The following SULT2B1 variants were observed in gnomAD, a reference collection of about 807,000 sequenced individuals.
SULT2B1 encodes sulfotransferase family 2B member 1.
A neutral mutation model predicts 33.2 loss-of-function variants in SULT2B1; 16 were observed. The observed-to-expected ratio is 0.48, with a 90% CI of 0.33 to 0.73. SULT2B1 has a LOEUF of 0.73. Among genes scored for constraint, SULT2B1 ranks in the 30% least tolerant of loss-of-function variants. The probability of loss-of-function intolerance (pLI) is 0.02; values close to 1 mark genes in which losing one functional copy is unlikely to be tolerated. For synonymous variants in SULT2B1, 186 were observed against 200.5 expected (o/e 0.93, Z 0.61); for missense variants, 500 against 506.0 (o/e 0.99, Z 0.11).
At chr19:48,564,508 C>T in intron 1 of SULT2B1, among the ~76,000 whole-genome samples, 1 of 125,264 alleles carries the variant, frequency 8.0e-6, no homozygotes, top group East Asian at 2.7e-4. Context: ...GCCGAGATCA[C>T]ACCACTGCAC....
chr19:48,581,207 A>AT (rs35186872), intron 2 of SULT2B1, among the ~76,000 whole-genome samples: 32 of 136,258 alleles, frequency 2.3e-4, no homozygotes, highest in Admixed American at 4.5e-4. Flanking sequence ...TGGTTTTTGC[A>AT]TTTTTTTTTT....
chr19:48,555,590 T>TCTCTCTCTCTCTCTCTCTCTC (rs60898646), intron 1 of SULT2B1, among the ~76,000 whole-genome samples: 1 of 96,484 alleles, frequency 1.0e-5, no homozygotes, highest in African/African-American at 4.7e-5. Context: ...CTCTCTCTCT[T>TCTCTCTCTCTCTCTCTCTCTC]TTGAGACAGA....
At chr19:48,591,373 A>G (rs939941667) in intron 3 of SULT2B1, 5 of 363,568 alleles carry the variant, frequency 1.4e-5, no homozygotes, top group Non-Finnish European at 2.5e-5. Flanking sequence ...CAGGAGGCTG[A>G]CACAGGAGAA....
At chr19:48,571,878 G>A (rs1973334486) in intron 1 of SULT2B1, among the ~76,000 whole-genome samples, 1 of 152,072 alleles carries the variant, frequency 6.6e-6, no homozygotes, top group Non-Finnish European at 1.5e-5. Flanking sequence ...CTTGAAAAAG[G>A]TGAGGACAAG....
chr19:48,596,766 T>C lies in SULT2B1; in HGVS notation c.673T>C (p.Cys225Arg), dbSNP rs766419184. 2 of 1,607,494 alleles carry C rather than the reference T, an allele frequency of 1.2e-6. No individual in the cohort carries two copies. Among genetic ancestry groups the C allele is most frequent in the African/African-American group, 1.3e-5 (1 of 74,898 alleles). Residue 225 changes from cysteine to arginine, a missense_variant, in exon 6 of 7, where the codon TGT becomes CGT. Transcript: ENST00000201586. ...CTTACAGGGCTCCGTGGAGCGCATC[T>C]GTGGGTTCCTGGGCCGTCCGCTGGG... ...QDLQGSVERICGFLGRPLGKE... is the reference protein window; with the variant it reads ...QDLQGSVERIRGFLGRPLGKE...
intron 3 of SULT2B1, among the ~76,000 whole-genome samples, chr19:48,589,532 G>C (rs545432560): frequency 7.0e-4 from 107 of 152,306 alleles, no homozygotes; most frequent in African/African-American, 2.4e-3. Context: ...AGCGTGGACA[G>C]AGCAGAGAGG....
chr19:48,577,847 A>G (rs1352686397), intron 2 of SULT2B1, among the ~76,000 whole-genome samples: 1 of 152,194 alleles, frequency 6.6e-6, no homozygotes, highest in Non-Finnish European at 1.5e-5. Flanking sequence ...CTCACATTGT[A>G]CTGGGGCAAC....
At chr19:48,559,959 TAAAA>T (rs769845924) in intron 1 of SULT2B1, among the ~76,000 whole-genome samples, 1 of 133,468 alleles carries the variant, frequency 7.5e-6, no homozygotes, top group South Asian at 2.4e-4. Flanking sequence ...CATCTCTCTT[TAAAA>T]AAAAAAAAAA....
intron 1 of SULT2B1, among the ~76,000 whole-genome samples, chr19:48,559,165 CCTT>C (rs1422219747): frequency 6.6e-6 from 1 of 152,088 alleles, no homozygotes; most frequent in African/African-American, 2.4e-5. Flanking sequence ...ACGGTTCCCT[CCTT>C]CTCCACCCAG....
chr19:48,594,366 G>A (rs1011985566), intron 5 of SULT2B1, among the ~76,000 whole-genome samples: 3 of 152,204 alleles, frequency 2.0e-5, no homozygotes, highest in Non-Finnish European at 4.4e-5. Context: ...TAACTTAAGA[G>A]AGGGTTGATA....
chr19:48,592,712 C>T lies in SULT2B1; in HGVS notation c.551-10C>T, dbSNP rs1243842813. On this transcript the variant is annotated splice_polypyrimidine_tract_variant and intron_variant, in intron 4 of 6. Coordinates refer to ENST00000201586, the MANE Select transcript of SULT2B1 (RefSeq NM_177973.2). ...CTCAGCCCTCACCCCACTTGTCCCT[C>T]TGCCCACAGTGCAGTTTGGCTCCTG... 6.3e-7 allele frequency: 1 copy of T among 1,582,238 alleles called. No individual in the cohort carries two copies. The highest frequency in any genetic ancestry group is 2.3e-5 in the East Asian group (1 of 43,828).
chr19:48,590,374 G>C (rs1354446570), intron 3 of SULT2B1, among the ~76,000 whole-genome samples: 2 of 152,074 alleles, frequency 1.3e-5, no homozygotes, highest in Non-Finnish European at 2.9e-5. Flanking sequence ...GGCCGAAGCA[G>C]ATGGATCACT....
intron 1 of SULT2B1, among the ~76,000 whole-genome samples, chr19:48,558,137 C>T (rs1309798178): frequency 6.6e-6 from 1 of 152,042 alleles, no homozygotes; most frequent in Non-Finnish European, 1.5e-5. Flanking sequence ...CCCATTTTAA[C>T]TACTATCATC....
Position 48,552,420 on chromosome 19 carries a change from C to G in SULT2B1, c.71+97C>G. The G allele has an allele frequency of 1.2e-5, 16 of 1,332,242 alleles. No homozygotes were observed. The highest frequency in any genetic ancestry group is 1.7e-5 in the Non-Finnish European group (16 of 962,496). The allele number at this position is 1,332,242 out of a possible 1,614,324, so 82.5% of individuals were successfully genotyped here. On this transcript the variant is annotated intron_variant, in intron 1 of 6. Coordinates refer to ENST00000201586, the MANE Select transcript of SULT2B1 (RefSeq NM_177973.2). This position sits in a 1 kb window ranked among gnomAD's most constrained non-coding sequence, Gnocchi z 4.8. ...GTGGCAAGGGTGGCCTCCAGCCACC[C>G]GCAGCCGCAGGCCTGGCCCAGACTT...
intron 1 of SULT2B1, among the ~76,000 whole-genome samples, chr19:48,558,588 A>G (rs1192313625): frequency 6.8e-6 from 1 of 147,920 alleles, no homozygotes; most frequent in Non-Finnish European, 1.5e-5. Flanking sequence ...CCCCGGCCCC[A>G]CCTTCCTTAG....
chr19:48,584,289 G>A (rs1568411072), intron 2 of SULT2B1, among the ~76,000 whole-genome samples: 1 of 152,206 alleles, frequency 6.6e-6, no homozygotes, highest in East Asian at 1.9e-4. Context: ...CCCACTGGGT[G>A]ACTGAGAAGT....
intron 5 of SULT2B1, among the ~76,000 whole-genome samples, chr19:48,594,065 C>G (rs1284317995): frequency 6.6e-6 from 1 of 151,722 alleles, no homozygotes; most frequent in Non-Finnish European, 1.5e-5. Flanking sequence ...TCCAGACCAG[C>G]CTTGCCAACA....
chr19:48,560,823 G>A (rs1386426584), intron 1 of SULT2B1, among the ~76,000 whole-genome samples: 2 of 151,894 alleles, frequency 1.3e-5, no homozygotes, highest in South Asian at 2.1e-4. Context: ...TAGGACAGCC[G>A]TGGTGGCTCA....
At chr19:48,578,532 C>T (rs1462744477) in intron 2 of SULT2B1, among the ~76,000 whole-genome samples, 4 of 151,664 alleles carry the variant, frequency 2.6e-5, no homozygotes, top group Admixed American at 6.6e-5. Context: ...CAGTGAGACG[C>T]GTTCACCCCA....
Sources: gnomAD v4.1 joint callset for allele counts (sites outside exome capture counted in the v4.1 genomes callset) on GRCh38, gnomAD v4.1.1 for gene constraint, Gnocchi (gnomAD v3.1) non-coding constraint, MANE v1.5 for transcripts, NCBI Gene and HGNC (gene_info 2026-07-23, HGNC 2026-07-21) for gene names.